The following DIP2C variants were observed in gnomAD, a reference collection of about 807,000 sequenced individuals.
DIP2C encodes DIP2 acetate--CoA ligase C (putative), also known as disco-interacting protein 2 homolog C.
A neutral mutation model predicts 192.4 loss-of-function variants in DIP2C; 33 were observed. The observed-to-expected ratio is 0.17, with a 90% confidence interval of 0.13 to 0.23. The LOEUF is 0.23. Ranked by LOEUF, DIP2C falls within the 10% of genes least tolerant of loss-of-function variation. The probability of loss-of-function intolerance (pLI) is 1.00; values close to 1 mark genes in which losing one functional copy is unlikely to be tolerated. For missense variants in DIP2C, 1,537 were observed against 2,110.1 expected (o/e 0.73, Z 5.32); for synonymous variants, 979 against 864.1 (o/e 1.13, Z -2.33).
chr10:350,445 T>C (rs553529067), intron 24 of DIP2C, among the ~76,000 whole-genome samples: 3 of 152,236 alleles, frequency 2.0e-5, no homozygotes, highest in South Asian at 4.2e-4. Flanking sequence ...CCTAGTTCCT[T>C]TGCAGCACTC....
Position 487,574 on chromosome 10 carries a change from T to TTTTTG in DIP2C, c.86-1045_86-1044insCAAAA, listed in dbSNP as rs1257331655. On this transcript the variant is annotated intron_variant, in intron 1 of 36. Transcript: ENST00000280886. ...ATCCGCCCATCAATGAGTGTTTTTT[T>TTTTTG]TTTTTTTTTTTTTTTTTTTTTTTGA... 3.9e-4 allele frequency among the ~76,000 whole-genome samples: 44 copies of TTTTTG among 111,814 alleles called. 3 individuals carry two copies. The highest frequency in any genetic ancestry group is 1.5e-3 in the African/African-American group (44 of 29,908). The allele number at this position is 111,814 out of a possible 152,430, so 73.4% of individuals were successfully genotyped here.
chr10:506,594 G>A (rs1382004863), intron 1 of DIP2C, among the ~76,000 whole-genome samples: 1 of 152,186 alleles, frequency 6.6e-6, no homozygotes, highest in Non-Finnish European at 1.5e-5. Flanking sequence ...GTACTCACAT[G>A]CAGAAGGCAC....
chr10:432,799 A>G (rs1467529477), intron 4 of DIP2C, among the ~76,000 whole-genome samples: 1 of 152,220 alleles, frequency 6.6e-6, no homozygotes, highest in African/African-American at 2.4e-5. Flanking sequence ...ATTTCCCTAT[A>G]AACATTACTT....
chr10:610,684 G>C (rs1250947981), intron 1 of DIP2C, among the ~76,000 whole-genome samples: 2 of 152,258 alleles, frequency 1.3e-5, no homozygotes, highest in African/African-American at 4.8e-5. Flanking sequence ...ATCTCATGCT[G>C]AACTGTAACC....
intron 2 of DIP2C, among the ~76,000 whole-genome samples, chr10:477,900 G>A (rs1389191541): frequency 1.5e-4 from 18 of 120,998 alleles, no homozygotes; most frequent in African/African-American, 5.9e-4. Context: ...AAAAGGAAAA[G>A]AGAGGGAAAG....
At chr10:499,502 C>T (rs1439404847) in intron 1 of DIP2C, among the ~76,000 whole-genome samples, 1 of 152,222 alleles carries the variant, frequency 6.6e-6, no homozygotes, top group Non-Finnish European at 1.5e-5. Context: ...AAAGGCCTAT[C>T]TTACATGGCG....
intron 32 of DIP2C, among the ~76,000 whole-genome samples, chr10:294,150 A>G (rs1461731230): frequency 3.3e-5 from 5 of 152,070 alleles, no homozygotes; most frequent in Non-Finnish European, 7.4e-5. Flanking sequence ...TTCTTCCCAT[A>G]AAAGACACCA....
chr10:606,220 T>C (rs1359046229), intron 1 of DIP2C, among the ~76,000 whole-genome samples: 2 of 151,942 alleles, frequency 1.3e-5, no homozygotes, highest in Admixed American at 1.3e-4. Context: ...CAGCAGCACC[T>C]GGCTCATGGG....
At chr10:586,049 C>T (rs1440052994) in intron 1 of DIP2C, among the ~76,000 whole-genome samples, 2 of 152,172 alleles carry the variant, frequency 1.3e-5, no homozygotes, top group Non-Finnish European at 2.9e-5. Context: ...AGAAACGGCT[C>T]AACTCTAAGG....
chr10:473,497 G>C (rs960522560), intron 2 of DIP2C, among the ~76,000 whole-genome samples: 2 of 150,298 alleles, frequency 1.3e-5, no homozygotes, highest in African/African-American at 4.9e-5. Context: ...TCACAGAAAG[G>C]ACGTCACCCC....
chr10:637,421 C>T (rs976736861), intron 1 of DIP2C, among the ~76,000 whole-genome samples: 4 of 152,248 alleles, frequency 2.6e-5, no homozygotes, highest in African/African-American at 9.6e-5. Flanking sequence ...TTTCTCACAG[C>T]TCTCAGGCTA....
Position 647,513 on chromosome 10 carries a change from C to T in DIP2C, c.85+41981G>A, listed in dbSNP as rs999909319. Among the ~76,000 whole-genome samples the T allele has an allele frequency of 3.5e-5, 5 of 143,888 alleles. No individual in the cohort carries two copies. In the Admixed American group the frequency reaches 3.5e-4, roughly 10 times the overall value. 94.4% of individuals were successfully genotyped at this position (143,888 alleles called of 152,430 possible). ...TGGACGGTGGGCGAGAACAGGGAAACTGAGTCCACGTCCACATTGGATGGT... is the reference window on the plus strand; with the variant it reads ...TGGACGGTGGGCGAGAACAGGGAAATTGAGTCCACGTCCACATTGGATGGT... On this transcript the variant is annotated intron_variant, in intron 1 of 36. Coordinates refer to ENST00000280886, the MANE Select transcript of DIP2C (RefSeq NM_014974.3).
chr10:281,086 G>A (rs923691685), intron 36 of DIP2C, 114 bp downstream of exon 36: 5 of 1,419,892 alleles, frequency 3.5e-6, no homozygotes, highest in African/African-American at 1.4e-5. Context: ...ATGTTGAATC[G>A]CACCCCCTTC....
intron 1 of DIP2C, among the ~76,000 whole-genome samples, chr10:676,400 G>C (rs559899770): frequency 6.6e-6 from 1 of 151,934 alleles, no homozygotes; most frequent in African/African-American, 2.4e-5. Context: ...AGTACTGAAA[G>C]TCCTAGTCAA....
intron 3 of DIP2C, among the ~76,000 whole-genome samples, chr10:463,939 CATAA>C (rs1406665867): frequency 2.6e-5 from 4 of 152,126 alleles, no homozygotes; most frequent in African/African-American, 9.7e-5. Context: ...ACAGGCTAGC[CATAA>C]GCAGAAAACT....
chr10:531,868 G>A (rs913889978), intron 1 of DIP2C, among the ~76,000 whole-genome samples: 5 of 152,172 alleles, frequency 3.3e-5, no homozygotes, highest in Admixed American at 6.5e-5. Flanking sequence ...TCCAGCACGC[G>A]GCAGCTTCCA....
chr10:275,455 T>C lies in DIP2C; in HGVS notation c.*1870A>G, dbSNP rs548108883. The C allele has an allele frequency of 6.8e-6, 1 of 148,090 alleles. No individual in the cohort carries two copies. The allele number at this position is 148,090 out of a possible 1,614,324, so 9.2% of individuals were successfully genotyped here. ...GATGCACCACATATGCAGACACATT[T>C]TTTTAAATGTGCCACTTTTTTTTTT... On this transcript the variant is annotated 3_prime_UTR_variant, in exon 37 of 37. Coordinates refer to ENST00000280886, the MANE Select transcript of DIP2C (RefSeq NM_014974.3).
At chr10:353,821 G>C (rs1455909219) in intron 24 of DIP2C, among the ~76,000 whole-genome samples, 1 of 152,226 alleles carries the variant, frequency 6.6e-6, no homozygotes, top group Non-Finnish European at 1.5e-5. Flanking sequence ...TGTGTGGAGT[G>C]ATTCATCACT....
chr10:533,226 AAAG>A (rs1398828230), intron 1 of DIP2C, among the ~76,000 whole-genome samples: 2 of 152,136 alleles, frequency 1.3e-5, no homozygotes, highest in Non-Finnish European at 1.5e-5. Flanking sequence ...GGAGAGAAAG[AAAG>A]AAGGGTGGAA....
Sources: allele counts gnomAD v4.1 joint callset (sites outside exome capture counted in the v4.1 genomes callset), GRCh38; gene constraint gnomAD v4.1.1; transcripts MANE v1.5; gene names NCBI Gene and HGNC (gene_info 2026-07-23, HGNC 2026-07-21).